Variants in SMARCA2 observed in about 807,000 individuals in gnomAD.
SMARCA2 encodes the protein SWI/SNF related BAF chromatin remodeling complex subunit ATPase 2.
SMARCA2 carries 61 observed loss-of-function variants against 199.8 expected under a neutral mutation model. That is an observed-to-expected ratio of 0.31 (90% CI 0.25 to 0.38). SMARCA2 has a LOEUF of 0.38. Among genes scored for constraint, SMARCA2 ranks in the 10% least tolerant of loss-of-function variants. SMARCA2 has a pLI of 1.00. For missense variants in SMARCA2, 1,344 were observed against 2,012.2 expected (o/e 0.67, Z 6.35); for synonymous variants, 935 against 732.0 (o/e 1.28, Z -4.48).
intron 29 of SMARCA2, among the ~76,000 whole-genome samples, chr9:2,176,570 GACA>G (rs557692153): frequency 1.1e-3 from 168 of 152,142 alleles, no homozygotes; most frequent in African/African-American, 3.9e-3. Flanking sequence ...GTGGTGTTGA[GACA>G]ACAAAGTCAG....
chr9:2,056,893 C>A lies in SMARCA2; in HGVS notation c.1347+48C>A. The A allele has an allele frequency of 6.5e-7, 1 of 1,549,192 alleles. No homozygotes were observed. Among genetic ancestry groups the A allele is most frequent in the Non-Finnish European group, 8.8e-7 (1 of 1,134,832 alleles). On this transcript the variant is annotated intron_variant, in intron 7 of 33. Transcript: ENST00000349721. The surrounding 1 kb of genome is among the most constrained non-coding windows in gnomAD (Gnocchi z 4.0). ...TCACCCTCACTTTGGCAGAGCTGTC[C>A]AATGAATTCATCAAATGGGGTCAGA...
At chr9:2,099,464 A>G (rs1822413175) in intron 21 of SMARCA2, among the ~76,000 whole-genome samples, 1 of 152,180 alleles carries the variant, frequency 6.6e-6, no homozygotes, top group African/African-American at 2.4e-5. Flanking sequence ...TAGGGAAGGA[A>G]GGGAGATGAT....
At chr9:2,060,254 T>A (rs1454355252) in intron 8 of SMARCA2, among the ~76,000 whole-genome samples, 1 of 152,132 alleles carries the variant, frequency 6.6e-6, no homozygotes, top group East Asian at 1.9e-4. Flanking sequence ...ATTTGATTCC[T>A]TGCCTTTAGT....
intron 27 of SMARCA2, among the ~76,000 whole-genome samples, chr9:2,151,178 G>A (rs1199219904): frequency 1.3e-5 from 2 of 151,438 alleles, no homozygotes; most frequent in Non-Finnish European, 3.0e-5. Flanking sequence ...GAATCTGGTG[G>A]TGATTTGTTA....
At chr9:2,150,658 C>T (rs751376493) in intron 27 of SMARCA2, among the ~76,000 whole-genome samples, 1 of 151,556 alleles carries the variant, frequency 6.6e-6, no homozygotes, top group East Asian at 1.9e-4. Context: ...ACACCAGTCC[C>T]TCAATGACAA....
At chr9:2,070,311 T>C in intron 9 of SMARCA2, 107 bp from the exon 10 acceptor site, 1 of 869,768 alleles carries the variant, frequency 1.1e-6, no homozygotes, top group Non-Finnish European at 1.9e-6. Flanking sequence ...CTGTGTTAGA[T>C]AATAATGGGG....
intron 23 of SMARCA2, among the ~76,000 whole-genome samples, chr9:2,109,092 G>A (rs542530825): frequency 6.6e-6 from 1 of 152,202 alleles, no homozygotes; most frequent in South Asian, 2.1e-4. Flanking sequence ...TGAGAACTTG[G>A]CCCTCATAGT....
intron 22 of SMARCA2, 151 bp from the exon 23 acceptor site, chr9:2,103,852 G>T: frequency 4.9e-6 from 3 of 616,300 alleles, no homozygotes; most frequent in African/African-American, 1.9e-5. Flanking sequence ...TCATTGCTTT[G>T]GAGTTCATAT....
At chr9:2,109,779 G>T (rs1822914179) in intron 23 of SMARCA2, among the ~76,000 whole-genome samples, 1 of 152,082 alleles carries the variant, frequency 6.6e-6, no homozygotes, top group South Asian at 2.1e-4. Flanking sequence ...TAGTAGAAAA[G>T]AACTTTCCTT....
intron 19 of SMARCA2, among the ~76,000 whole-genome samples, chr9:2,089,081 A>C (rs2130495125): frequency 6.6e-6 from 1 of 152,274 alleles, no homozygotes; most frequent in Non-Finnish European, 1.5e-5. Flanking sequence ...GTAAGTGAAA[A>C]AACAGAGTTC....
At chr9:2,186,633 C>T (rs1045911893) in intron 32 of SMARCA2, among the ~76,000 whole-genome samples, 2 of 152,282 alleles carry the variant, frequency 1.3e-5, no homozygotes, top group Non-Finnish European at 2.9e-5. Context: ...TCAAGTGATT[C>T]ACCTGCCTCA....
At chr9:2,174,243 C>G (rs897893717) in intron 29 of SMARCA2, among the ~76,000 whole-genome samples, 10 of 152,136 alleles carry the variant, frequency 6.6e-5, no homozygotes, top group Non-Finnish European at 1.0e-4. Context: ...GGAGGCTCAG[C>G]TGGAAATAAC....
At chr9:2,125,023 G>C (rs1046870699) in intron 27 of SMARCA2, among the ~76,000 whole-genome samples, 4 of 152,182 alleles carry the variant, frequency 2.6e-5, no homozygotes, top group African/African-American at 9.7e-5. Flanking sequence ...GTGAAACATG[G>C]ATTTTAGGAC....
Position 2,130,614 on chromosome 9 carries a change from T to A in SMARCA2, c.3981+6677T>A, listed in dbSNP as rs12336495. ...TTCCATCCATTACAGTTTTGTAACT[T>A]TCCTATGGTGTGTGCCCAAGGTGAT... is the stretch of plus-strand genomic sequence containing the variant. On this transcript the variant is annotated intron_variant, in intron 27 of 33. Transcript: ENST00000349721. Among the ~76,000 whole-genome samples, 1,045 of 152,330 alleles carry A rather than the reference T, an allele frequency of 6.9e-3. 15 individuals are homozygous for A. Among genetic ancestry groups the A allele is most frequent in the African/African-American group, 0.024 (1,010 of 41,576 alleles).
intron 8 of SMARCA2, among the ~76,000 whole-genome samples, chr9:2,059,771 T>C (rs1238269911): frequency 6.6e-6 from 1 of 152,170 alleles, no homozygotes; most frequent in African/African-American, 2.4e-5. Flanking sequence ...CTGCTGTCAC[T>C]CAGGCAGATG....
At chr9:2,157,097 T>C (rs7872216) in intron 27 of SMARCA2, among the ~76,000 whole-genome samples, 125,244 of 152,200 alleles carry the variant, frequency 0.82, 51,744 homozygotes, top group African/African-American at 0.89. Context: ...TTAAACCGAT[T>C]AAAATAACGT....
In SMARCA2 at chr9:2,032,953, C is replaced by G; in HGVS notation, c.227C>G (p.Pro76Arg). 6.2e-7 allele frequency: 1 copy of G among 1,613,292 alleles called. No homozygotes were observed. The highest frequency in any genetic ancestry group is 8.5e-7 in the Non-Finnish European group (1 of 1,179,544). Reference protein sequence around the residue: ...PQEGMHQMHKPIDGIHDKGIV... With the variant: ...PQEGMHQMHKRIDGIHDKGIV... ...ACTAATGTCCTTTAAATGTTTCAGC[C>G]CATCGATGGTATACATGACAAGGGG... The change falls in exon 3 of 34, where the codon CCC becomes CGC. Residue 76 changes from proline (P) to arginine (R), a missense_variant and splice_region_variant. Around this residue, in one of 18 missense-constraint regions of SMARCA2, gnomAD observed 275 missense variants for 247.5 expected, o/e 1.11. Coordinates refer to ENST00000349721, the MANE Select transcript of SMARCA2 (RefSeq NM_003070.5).
chr9:2,112,791 G>T (rs190449131), intron 24 of SMARCA2, among the ~76,000 whole-genome samples: 3 of 152,174 alleles, frequency 2.0e-5, no homozygotes, highest in African/African-American at 7.2e-5. Flanking sequence ...TCAGGAATCA[G>T]TGATTTTATA....
intron 32 of SMARCA2, among the ~76,000 whole-genome samples, chr9:2,188,191 G>A (rs1827622919): frequency 1.3e-5 from 2 of 152,024 alleles, no homozygotes; most frequent in Admixed American, 1.3e-4. Context: ...ATATTAATAT[G>A]TATAATACAT....
Sources: gnomAD v4.1 joint callset for allele counts (sites outside exome capture counted in the v4.1 genomes callset) on GRCh38, gnomAD v4.1.1 for gene constraint, gnomAD v4.1.1 regional missense constraint, Gnocchi (gnomAD v3.1) non-coding constraint, MANE v1.5 for transcripts, NCBI Gene and HGNC (gene_info 2026-07-23, HGNC 2026-07-21) for gene names.